PARD6G: variants seen among roughly 807,000 people sequenced by gnomAD.
PARD6G encodes the protein partitioning defective 6 homolog gamma.
In PARD6G, 7 loss-of-function variants were observed where a neutral mutation model predicts 10.7. The observed-to-expected ratio is 0.66, with a 90% CI of 0.37 to 1.23. The LOEUF is 1.23. Among genes scored for constraint, PARD6G ranks in the 50% most tolerant of loss-of-function variants. PARD6G has a pLI of 0.02. For synonymous variants in PARD6G, 287 were observed against 269.4 expected (o/e 1.07, Z -0.64); for missense variants, 548 against 571.8 (o/e 0.96, Z 0.42).
chr18:80,228,126 G>A lies in PARD6G; in HGVS notation c.72+19151C>T, dbSNP rs993041585. ...ATTTACTAAACGACAGGTGACCAGC[G>A]TGAGGCAGGCCCCACCTTTGTTCAT... On this transcript the variant is annotated intron_variant, in intron 1 of 2. Transcript: ENST00000353265. The surrounding 1 kb of genome is among the most constrained non-coding windows in gnomAD (Gnocchi z 4.6). Among the ~76,000 whole-genome samples, 4 of 152,190 alleles carry A rather than the reference G, an allele frequency of 2.6e-5. No homozygotes were observed. The highest frequency in any genetic ancestry group is 4.8e-5 in the African/African-American group (2 of 41,430).
intron 1 of PARD6G, among the ~76,000 whole-genome samples, chr18:80,210,913 G>A (rs7243052): frequency 0.34 from 45,826 of 134,764 alleles, 7,724 homozygotes; most frequent in African/African-American, 0.45. Flanking sequence ...CCAAACACAC[G>A]TCACTAGTCA....
At chr18:80,232,209 C>A (rs992394280) in intron 1 of PARD6G, among the ~76,000 whole-genome samples, 1 of 146,058 alleles carries the variant, frequency 6.8e-6, no homozygotes, top group Non-Finnish European at 1.5e-5. Context: ...CAGGCCTCTG[C>A]TAGGTGGTGT....
chr18:80,215,362 A>G (rs529546639), intron 1 of PARD6G, among the ~76,000 whole-genome samples: 1 of 152,332 alleles, frequency 6.6e-6, no homozygotes, highest in South Asian at 2.1e-4. Flanking sequence ...AAATGATAGT[A>G]TAAATGTATT....
chr18:80,218,139 C>G (rs1568440047), intron 1 of PARD6G, among the ~76,000 whole-genome samples: 2 of 152,124 alleles, frequency 1.3e-5, no homozygotes, highest in South Asian at 4.1e-4. Context: ...CCTCCAAAAT[C>G]TCATGTCCTC....
chr18:80,202,726 G>T lies in PARD6G; in HGVS notation c.279C>A (p.Val93=). The T allele has an allele frequency of 6.2e-7, 1 of 1,613,006 alleles. No individual in the cohort carries two copies. ...AVSSANPLLR[V]FIQKREEAER... ...CTTCAGTACCTCGTTTCTGGATGAA[G>T]ACCCTGAGCAGGGGATTTGCACTAG... The change falls in exon 2 of 3, where the codon GTC becomes GTA. Residue 93 remains valine, a synonymous_variant. Coordinates refer to ENST00000353265, the MANE Select transcript of PARD6G (RefSeq NM_032510.4).
chr18:80,160,413 C>T lies in PARD6G; in HGVS notation c.489G>A (p.Arg163=), dbSNP rs1434645790. 1 of 1,596,952 alleles carries T rather than the reference C, an allele frequency of 6.3e-7. No individual in the cohort carries two copies. The highest frequency in any genetic ancestry group is 8.5e-7 in the Non-Finnish European group (1 of 1,172,118). Residue 163 remains arginine, a synonymous_variant, in exon 3 of 3, where the codon CGG becomes CGA. Transcript: ENST00000353265. ...AGCCCAGCGGCTTCTCGCAGCCGTG[C>T]CGGTGCAGCCGCACTCGCCGGTGCG... ...PETHRRVRLH[R]HGCEKPLGFY...
rs1402844622 is a variant in PARD6G, at chr18:80,247,237, A to G, written c.72+40T>C. The G allele has an allele frequency of 6.6e-7, 1 of 1,513,126 alleles. No individual in the cohort carries two copies. Among genetic ancestry groups the G allele is most frequent in the Admixed American group, 1.9e-5 (1 of 53,866 alleles). 93.7% of individuals were successfully genotyped at this position (1,513,126 alleles called of 1,614,324 possible). A position where few individuals can be genotyped will look rare whatever the true frequency, so the allele number is the denominator to read the frequency against. ...CGGGGCGCCCCATTCATTAGCCAGG[A>G]GACTGGGCGCAGGGCCGCCGGGGCG... On this transcript the variant is annotated intron_variant, in intron 1 of 2. Coordinates refer to ENST00000353265, the MANE Select transcript of PARD6G (RefSeq NM_032510.4). The surrounding 1 kb of genome is among the most constrained non-coding windows in gnomAD (Gnocchi z 4.2).
At chr18:80,242,491 G>A (rs959999763) in intron 1 of PARD6G, among the ~76,000 whole-genome samples, 1 of 152,220 alleles carries the variant, frequency 6.6e-6, no homozygotes, top group Non-Finnish European at 1.5e-5. Flanking sequence ...GAGGAGATAT[G>A]CTAACACAAA....
At position 80,247,324 on chromosome 18, in the gene PARD6G, G is replaced by C; in HGVS notation, c.25C>G (p.Gln9Glu). The change falls in exon 1 of 3, where the codon CAG becomes GAG. Residue 9 changes from glutamine to glutamate, a missense_variant. By Grantham distance (29) the Gln-to-Glu change is conservative. Around this residue, in one of 2 missense-constraint regions of PARD6G, gnomAD observed 235 missense variants for 291.9 expected, o/e 0.81. Coordinates refer to ENST00000353265, the MANE Select transcript of PARD6G (RefSeq NM_032510.4). This position sits in a 1 kb window ranked among gnomAD's most constrained non-coding sequence, Gnocchi z 4.2. MNRSFHKS[Q>E]TLRFYDCSAV... ...CTGCAATCGTAGAATCGCAAGGTCT[G>C]AGACTTGTGAAAACTTCGGTTCATG... 5 of 1,580,468 alleles carry C rather than the reference G, an allele frequency of 3.2e-6. No homozygotes were observed. The highest frequency in any genetic ancestry group is 4.3e-6 in the Non-Finnish European group (5 of 1,163,946).
At chr18:80,213,946 CAAAA>C (rs36051371) in intron 1 of PARD6G, among the ~76,000 whole-genome samples, 1 of 115,842 alleles carries the variant, frequency 8.6e-6, no homozygotes. Flanking sequence ...GACTCCATCT[CAAAA>C]AAAAAAAAAA....
intron 1 of PARD6G, among the ~76,000 whole-genome samples, chr18:80,230,889 T>C (rs2145301484): frequency 6.6e-6 from 1 of 152,332 alleles, no homozygotes; most frequent in Admixed American, 6.5e-5. Context: ...GAGGTGTCAC[T>C]GTTCCCACTT....
intron 2 of PARD6G, among the ~76,000 whole-genome samples, chr18:80,174,341 G>A (rs922361313): frequency 5.9e-5 from 9 of 152,160 alleles, no homozygotes; most frequent in Non-Finnish European, 1.0e-4. Flanking sequence ...CTTTGACAGA[G>A]AGGGGAACTG....
chr18:80,161,623 C>G lies in PARD6G; in HGVS notation c.296-1017G>C. ...TGAAACCTCTTGTTCTTGACACACA[C>G]GACTCTGTAAGACAGGCGTCTCGGG... On this transcript the variant is annotated intron_variant, in intron 2 of 2. Transcript: ENST00000353265. This position sits in a 1 kb window ranked among gnomAD's most constrained non-coding sequence, Gnocchi z 4.6. 6.6e-6 allele frequency: 1 copy of G among 152,224 alleles called. No homozygotes were observed. The highest frequency in any genetic ancestry group is 1.5e-5 in the Non-Finnish European group (1 of 68,032). The allele number at this position is 152,224 out of a possible 1,614,324, so 9.4% of individuals were successfully genotyped here.
intron 1 of PARD6G, among the ~76,000 whole-genome samples, chr18:80,237,121 A>T (rs1473387408): frequency 6.6e-6 from 1 of 152,052 alleles, no homozygotes; most frequent in African/African-American, 2.4e-5. Flanking sequence ...TACAGTAACC[A>T]AAACAGCATG....
At position 80,202,694 on chromosome 18, in the gene PARD6G, T is replaced by G. The variant is rs371000633; in HGVS notation, c.295+16A>C. The G allele has an allele frequency of 1.9e-6, 3 of 1,606,432 alleles. No individual in the cohort carries two copies. The African/African-American group carries it at 4.0e-5, about 21-fold the overall frequency. On this transcript the variant is annotated intron_variant, in intron 2 of 2. Coordinates refer to ENST00000353265, the MANE Select transcript of PARD6G (RefSeq NM_032510.4). ...TTTCTCAACAAGACCAGCCGGCCAC[T>G]CAACCACTTCAGTACCTCGTTTCTG...
intron 1 of PARD6G, among the ~76,000 whole-genome samples, chr18:80,237,032 G>A (rs544684746): frequency 4.6e-5 from 7 of 152,146 alleles, no homozygotes; most frequent in African/African-American, 9.6e-5. Flanking sequence ...AAAAGAACCC[G>A]CATTGCCAAG....
At chr18:80,197,892 C>A (rs1188531325) in intron 2 of PARD6G, among the ~76,000 whole-genome samples, 1 of 152,178 alleles carries the variant, frequency 6.6e-6, no homozygotes, top group Non-Finnish European at 1.5e-5. Flanking sequence ...TACGCAGACT[C>A]AAGTCCAGAC....
rs1405301236 is a variant in PARD6G at position 80,160,360 on chromosome 18, C to T, written c.542G>A (p.Arg181His). 2 of 1,610,804 alleles carry T rather than the reference C, an allele frequency of 1.2e-6. No homozygotes were observed. The highest frequency in any genetic ancestry group is 2.2e-5 in the East Asian group (1 of 44,836). ...GFYIRDGASV[R>H]VTPHGLEKVP... ...CTTCTCCAGCCCGTGCGGGGTCACG[C>T]GCACGCTGGCGCCATCGCGGATGTA... Residue 181 changes from arginine (R) to histidine (H), a missense_variant, in exon 3 of 3, where the codon CGC (arginine) becomes CAC (histidine). Coordinates refer to ENST00000353265, the MANE Select transcript of PARD6G (RefSeq NM_032510.4).
At chr18:80,178,992 G>GGA in intron 2 of PARD6G, among the ~76,000 whole-genome samples, 1 of 152,204 alleles carries the variant, frequency 6.6e-6, no homozygotes, top group Non-Finnish European at 1.5e-5. Context: ...GGACACGCCA[G>GGA]AGCCCAGGGA....
Sources: gnomAD v4.1 joint callset for allele counts (sites outside exome capture counted in the v4.1 genomes callset) on GRCh38, gnomAD v4.1.1 for gene constraint, gnomAD v4.1.1 regional missense constraint, Gnocchi (gnomAD v3.1) non-coding constraint, MANE v1.5 for transcripts, NCBI Gene and HGNC (gene_info 2026-07-23, HGNC 2026-07-21) for gene names.